Variants in PDE4D observed in about 807,000 individuals in gnomAD.
The protein encoded by PDE4D is 3',5'-cyclic-AMP phosphodiesterase 4D.
A neutral mutation model predicts 87.4 loss-of-function variants in PDE4D; 24 were observed. The ratio of observed to expected loss-of-function variants is 0.27; its 90% CI spans 0.20 to 0.39. The LOEUF (loss-of-function observed/expected upper bound fraction) is 0.39, where lower values mean the gene tolerates loss of function less well. Among genes scored for constraint, PDE4D ranks in the 10% least tolerant of loss-of-function variants. PDE4D has a pLI of 1.00. For synonymous variants in PDE4D, 384 were observed against 383.2 expected (o/e 1.00, Z -0.02); for missense variants, 714 against 1,041.0 (o/e 0.69, Z 4.32).
chr5:59,342,933 G>A (rs1276167668), intron 1 of PDE4D, among the ~76,000 whole-genome samples: 1 of 151,290 alleles, frequency 6.6e-6, no homozygotes, highest in Non-Finnish European at 1.5e-5. Context: ...CTTTTTTGTG[G>A]TGAGAACATT....
intron 2 of PDE4D, among the ~76,000 whole-genome samples, chr5:60,105,391 G>A (rs534931614): frequency 6.6e-6 from 1 of 152,340 alleles, no homozygotes; most frequent in Admixed American, 6.5e-5. Flanking sequence ...TCGGATTGGT[G>A]TACCTCAAAG....
At chr5:59,001,025 G>A (rs1247980681) in intron 6 of PDE4D, among the ~76,000 whole-genome samples, 4 of 152,138 alleles carry the variant, frequency 2.6e-5, no homozygotes, top group Non-Finnish European at 5.9e-5. Context: ...ACAAAGTTAA[G>A]AAAGGAATGA....
chr5:59,957,773 T>G (rs1030617842), intron 3 of PDE4D, among the ~76,000 whole-genome samples: 2 of 152,112 alleles, frequency 1.3e-5, no homozygotes, highest in African/African-American at 4.8e-5. Context: ...GAGAGTGTGA[T>G]GCTAAATTTT....
intron 1 of PDE4D, among the ~76,000 whole-genome samples, chr5:60,282,208 C>CAT (rs140298004): frequency 0.049 from 6,339 of 128,152 alleles, 192 homozygotes; most frequent in East Asian, 0.14. Context: ...GAGAAATAAA[C>CAT]ATATATATAT....
rs183247516 is a variant in PDE4D at position 59,965,287 on chromosome 5, A to T, written c.272+23201T>A. ...CTTAAAAAAAACAATCTTGGCTCAC[A>T]TTGTCCTTCACCTATATCTCATCAC... On this transcript the variant is annotated intron_variant, in intron 3 of 16. Transcript: ENST00000502484. 1.6e-3 allele frequency among the ~76,000 whole-genome samples: 247 copies of T among 152,224 alleles called. 1 individual carries two copies. Among genetic ancestry groups the T allele is most frequent in the African/African-American group, 5.6e-3 (232 of 41,534 alleles).
At chr5:59,384,496 A>C (rs1214607568) in intron 1 of PDE4D, among the ~76,000 whole-genome samples, 1 of 152,192 alleles carries the variant, frequency 6.6e-6, no homozygotes, top group Non-Finnish European at 1.5e-5. Flanking sequence ...GCTGTGCAGC[A>C]GAGCTCCCTG....
chr5:59,926,064 A>G (rs1033129473), intron 3 of PDE4D, among the ~76,000 whole-genome samples: 1 of 152,094 alleles, frequency 6.6e-6, no homozygotes, highest in Non-Finnish European at 1.5e-5. Flanking sequence ...CAGAATACAT[A>G]TTTTTTTCCT....
At chr5:59,575,582 T>C (rs1823010471) in intron 1 of PDE4D, among the ~76,000 whole-genome samples, 1 of 152,154 alleles carries the variant, frequency 6.6e-6, no homozygotes, top group African/African-American at 2.4e-5. Flanking sequence ...AATCAAGATA[T>C]GTGGGAATTA....
At chr5:60,199,727 G>GA (rs1741693319) in intron 1 of PDE4D, among the ~76,000 whole-genome samples, 1 of 151,622 alleles carries the variant, frequency 6.6e-6, no homozygotes, top group Non-Finnish European at 1.5e-5. Flanking sequence ...CTGAATGAAA[G>GA]AAACTTAGTA....
At chr5:59,103,916 C>T (rs988286375) in intron 5 of PDE4D, among the ~76,000 whole-genome samples, 1 of 152,170 alleles carries the variant, frequency 6.6e-6, no homozygotes, top group African/African-American at 2.4e-5. Context: ...AGACTTGGAT[C>T]TGCCACTTAC....
chr5:59,586,601 C>T, intron 1 of PDE4D: 3 of 1,330,444 alleles, frequency 2.3e-6, no homozygotes, highest in Middle Eastern at 2.8e-4. Flanking sequence ...CAGAGCACTG[C>T]AGGTATGGGT....
chr5:59,620,007 G>A (rs62355586), intron 1 of PDE4D, among the ~76,000 whole-genome samples: 5,231 of 152,230 alleles, frequency 0.034, 147 homozygotes, highest in Non-Finnish European at 0.054. Flanking sequence ...GCTAAAGCTG[G>A]TGATCCAAGA....
chr5:60,215,064 G>T (rs1009326743), intron 1 of PDE4D, among the ~76,000 whole-genome samples: 1 of 152,086 alleles, frequency 6.6e-6, no homozygotes, highest in African/African-American at 2.4e-5. Context: ...TATGAGGTAG[G>T]CTAACTGAAA....
intron 1 of PDE4D, among the ~76,000 whole-genome samples, chr5:59,591,402 C>T (rs555592418): frequency 6.6e-6 from 1 of 152,264 alleles, no homozygotes; most frequent in East Asian, 1.9e-4. Context: ...TCTTTAGTCA[C>T]TTGTACTTAT....
intron 1 of PDE4D, among the ~76,000 whole-genome samples, chr5:59,725,383 C>T (rs1372431528): frequency 6.6e-6 from 1 of 152,046 alleles, no homozygotes; most frequent in East Asian, 1.9e-4. Flanking sequence ...GATATAAACA[C>T]ATTGTAGATA....
At chr5:60,440,602 A>G (rs1482901743) in intron 1 of PDE4D, among the ~76,000 whole-genome samples, 1 of 152,176 alleles carries the variant, frequency 6.6e-6, no homozygotes, top group Non-Finnish European at 1.5e-5. Flanking sequence ...AGGGTATTAC[A>G]GGCAGAGGAA....
intron 1 of PDE4D, among the ~76,000 whole-genome samples, chr5:60,248,776 G>A (rs530235283): frequency 6.6e-6 from 1 of 151,878 alleles, no homozygotes; most frequent in Admixed American, 6.6e-5. Context: ...TGCCTGCTTC[G>A]ATAGCCTGCT....
In PDE4D at chr5:59,431,997, T is replaced by C. The variant is rs546290127; in HGVS notation, c.456-216029A>G. Among the ~76,000 whole-genome samples, 193 of 152,216 alleles carry C rather than the reference T, an allele frequency of 1.3e-3. 1 individual carries two copies. Among genetic ancestry groups the C allele is most frequent in the African/African-American group, 4.5e-3 (188 of 41,570 alleles). On this transcript the variant is annotated intron_variant, in intron 1 of 14. Coordinates refer to ENST00000340635, the MANE Select transcript of PDE4D (RefSeq NM_001104631.2). ...GGCTGCATAGTATTTACCATTTCTA[T>C]TCAATAATTTTCTTTCTTATATTTT...
chr5:59,306,512 T>G (rs1220050428), intron 1 of PDE4D, among the ~76,000 whole-genome samples: 1 of 152,186 alleles, frequency 6.6e-6, no homozygotes, highest in Non-Finnish European at 1.5e-5. Flanking sequence ...CTTTGTGATT[T>G]ACGCTTTAAA....
Sources: gnomAD v4.1 joint callset for allele counts (sites outside exome capture counted in the v4.1 genomes callset) on GRCh38, gnomAD v4.1.1 for gene constraint, MANE v1.5 for transcripts, NCBI Gene and HGNC (gene_info 2026-07-23, HGNC 2026-07-21) for gene names.